Variants in ALG8 observed in about 807,000 individuals in gnomAD.
ALG8 encodes ALG8 alpha-1,3-glucosyltransferase, also known as dolichyl pyrophosphate Glc1Man9GlcNAc2 alpha-1,3-glucosyltransferase.
In ALG8, 48 loss-of-function variants were observed where a neutral mutation model predicts 70.2. That is an observed-to-expected ratio of 0.68 (90% CI 0.54 to 0.87). ALG8 has a LOEUF of 0.87. ALG8 is among the 40% of genes least tolerant of loss of function. The pLI is 0.00. For missense variants in ALG8, 572 were observed against 608.7 expected, an observed-to-expected ratio of 0.94 and a Z score of 0.64; for synonymous variants, 234 against 229.0, an observed-to-expected ratio of 1.02 and a Z score of -0.20.
intron 2 of ALG8, among the ~76,000 whole-genome samples, chr11:78,125,095 C>T (rs922046456): frequency 2.0e-5 from 3 of 151,206 alleles, no homozygotes; most frequent in African/African-American, 4.9e-5. Context: ...TGCAGTGGCG[C>T]GATCTTGGCT....
At chr11:78,125,955 C>T (rs999592962) in intron 2 of ALG8, among the ~76,000 whole-genome samples, 1 of 151,128 alleles carries the variant, frequency 6.6e-6, no homozygotes, top group Non-Finnish European at 1.5e-5. Flanking sequence ...GTCAGGAGAT[C>T]GAGACCATCC....
intron 1 of ALG8, chr11:78,137,550 G>C (rs1266231228): frequency 6.6e-6 from 1 of 152,208 alleles, no homozygotes; most frequent in African/African-American, 2.4e-5. Flanking sequence ...TAAAGTCAGA[G>C]ATATGTGACT....
chr11:78,110,641 T>C (rs1007306643), intron 8 of ALG8, among the ~76,000 whole-genome samples: 1 of 152,162 alleles, frequency 6.6e-6, no homozygotes. Flanking sequence ...TACTTGGTTA[T>C]TAAATAAATC....
intron 3 of ALG8, among the ~76,000 whole-genome samples, chr11:78,122,254 C>A (rs1488844624): frequency 6.6e-6 from 1 of 151,996 alleles, no homozygotes; most frequent in African/African-American, 2.4e-5. Flanking sequence ...TGAATAGAGG[C>A]AGTAAACTTA....
intron 1 of ALG8, among the ~76,000 whole-genome samples, chr11:78,127,997 C>T (rs1054707273): frequency 9.9e-5 from 15 of 152,274 alleles, no homozygotes; most frequent in African/African-American, 3.1e-4. Flanking sequence ...CCACCACGCC[C>T]GGCCTAGCCC....
chr11:78,139,511 G>C lies in ALG8; in HGVS notation c.78C>G (p.Cys26Trp). ...TCCCTTACTATGTGGGGATGAGAAGGCATTTGAGAAGAGTCACCCCGAGCG... is the reference window on the plus strand; with the variant it reads ...TCCCTTACTATGTGGGGATGAGAAGCCATTTGAGAAGAGTCACCCCGAGCG... ...ALALGVTLLK[C>W]LLIPTYHSTD... Residue 26 changes from cysteine (C) to tryptophan (W), a missense_variant, in exon 1 of 13, where the codon TGC becomes TGG. By Grantham distance (215) the Cys-to-Trp change is radical (BLOSUM62 -2). Coordinates refer to ENST00000299626, the MANE Select transcript of ALG8 (RefSeq NM_024079.5). The C allele has an allele frequency of 1.3e-6, 2 of 1,560,922 alleles. No individual in the cohort carries two copies. Among genetic ancestry groups the C allele is most frequent in the Admixed American group, 1.9e-5 (1 of 52,168 alleles).
At chr11:78,121,035 A>G in intron 4 of ALG8, 30 bp downstream of exon 4, 1 of 1,516,404 alleles carries the variant, frequency 6.6e-7, no homozygotes, top group African/African-American at 1.4e-5. Context: ...AGAATTAGTA[A>G]GGGAATAGTA....
chr11:78,112,896 G>A (rs1860369282), intron 7 of ALG8, 126 bp from the exon 8 acceptor site: 1 of 1,133,292 alleles, frequency 8.8e-7, no homozygotes, highest in Admixed American at 2.2e-5. Context: ...TAGTAAGTAA[G>A]TGGTTATATG....
At chr11:78,132,629 A>G (rs1273403660) in intron 1 of ALG8, among the ~76,000 whole-genome samples, 1 of 151,978 alleles carries the variant, frequency 6.6e-6, no homozygotes, top group East Asian at 1.9e-4. Context: ...CAATACTTTC[A>G]CACCACAGGG....
At position 78,115,405 on chromosome 11, in the gene ALG8, C is replaced by T. The variant is rs646994; in HGVS notation, c.547-1013G>A. Among the ~76,000 whole-genome samples, 124 of 151,434 alleles carry T rather than the reference C, an allele frequency of 8.2e-4. 1 individual carries two copies. Among genetic ancestry groups the T allele is most frequent in the Admixed American group, 8.5e-4 (13 of 15,208 alleles). On this transcript the variant is annotated intron_variant, in intron 5 of 12. Coordinates refer to ENST00000299626, the MANE Select transcript of ALG8 (RefSeq NM_024079.5). ...ATTCCAGCTAGCTTTTTTTTTGAGACGGAGTTTTGTTCTTGTTGCCCAGGC... is the reference window on the plus strand; with the variant it reads ...ATTCCAGCTAGCTTTTTTTTTGAGATGGAGTTTTGTTCTTGTTGCCCAGGC...
chr11:78,101,483 G>A (rs192335107), intron 12 of ALG8, among the ~76,000 whole-genome samples: 222 of 152,192 alleles, frequency 1.5e-3, no homozygotes, highest in African/African-American at 5.1e-3. Context: ...ACAAAAATTA[G>A]CCGACCAGGG....
In ALG8 at chr11:78,107,060, ATTC is replaced by A. The variant is rs1199804877; in HGVS notation, c.1039-117_1039-115del. On this transcript the variant is annotated intron_variant, in intron 9 of 12. Transcript: ENST00000299626. ...TCTGAAAGACAGCCAATCTTAGACAATTCTTCATGAAACCGAATCATTCATCAC... is the reference window on the plus strand; with the variant it reads ...TCTGAAAGACAGCCAATCTTAGACAATTCATGAAACCGAATCATTCATCAC... The A allele has an allele frequency of 2.4e-6, 3 of 1,275,350 alleles. No homozygotes were observed. In the African/African-American group the frequency reaches 4.5e-5, roughly 19 times the overall value. The allele number at this position is 1,275,350 out of a possible 1,614,324, so 79.0% of individuals were successfully genotyped here. A position where few individuals can be genotyped will look rare whatever the true frequency, so the allele number is the denominator to read the frequency against.
chr11:78,131,477 C>G (rs1590840939), intron 1 of ALG8, among the ~76,000 whole-genome samples: 1 of 152,080 alleles, frequency 6.6e-6, no homozygotes, highest in East Asian at 1.9e-4. Context: ...GTGGTGTGCA[C>G]CTGTAGTCCC....
intron 7 of ALG8, 25 bp from the exon 8 acceptor site, chr11:78,112,795 A>G (rs1274599297): frequency 8.7e-6 from 14 of 1,611,304 alleles, no homozygotes; most frequent in Non-Finnish European, 1.2e-5. Flanking sequence ...AATGAAACTG[A>G]TTAAACAGTC....
chr11:78,122,844 T>C (rs1397215248), intron 3 of ALG8, among the ~76,000 whole-genome samples: 1 of 132,162 alleles, frequency 7.6e-6, no homozygotes, highest in Non-Finnish European at 1.6e-5. Context: ...AACAGGATTA[T>C]TCAATGAGAA....
Position 78,127,437 on chromosome 11 carries a change from C to T in ALG8, c.96-1G>A. On this transcript the variant is annotated splice_acceptor_variant, in intron 1 of 12. Coordinates refer to ENST00000299626, the MANE Select transcript of ALG8 (RefSeq NM_024079.5). LOFTEE classifies it high-confidence loss of function. ...GTGTACTTCAAAATCTGTGGAATGG[C>T]TACTCAAAACAATTAGATAAATAAA... The T allele has an allele frequency of 6.2e-7, 1 of 1,612,466 alleles. No individual in the cohort carries two copies. Among genetic ancestry groups the T allele is most frequent in the Non-Finnish European group, 8.5e-7 (1 of 1,178,682 alleles).
At position 78,124,035 on chromosome 11, in the gene ALG8, C is replaced by T. The variant is rs769530568; in HGVS notation, c.354G>A (p.Val118=). ...TCCAGACTTACTCACGGACAGCATA[C>T]ACAAAGAGTACATCCATAAAGATGA... ...FSVIFMDVLF[V]YAVRECCKCI... The change falls in exon 3 of 13, where the codon GTG becomes GTA. Residue 118 remains valine, a synonymous_variant. Coordinates refer to ENST00000299626, the MANE Select transcript of ALG8 (RefSeq NM_024079.5). 7 of 1,613,974 alleles carry T rather than the reference C, an allele frequency of 4.3e-6. No individual in the cohort carries two copies. In the African/African-American group the frequency reaches 9.3e-5, roughly 22 times the overall value.
At chr11:78,125,080 T>G (rs1336932679) in intron 2 of ALG8, among the ~76,000 whole-genome samples, 4 of 151,806 alleles carry the variant, frequency 2.6e-5, no homozygotes, top group Admixed American at 2.6e-4. Context: ...TCACCCAGGC[T>G]GGAGTGCAGT....
rs763345853 is a variant in ALG8 at position 78,139,522 on chromosome 11, GAGTC to G, written c.63_66del (p.Thr22PhefsTer68). On this transcript the variant is annotated frameshift_variant, in exon 1 of 13. Transcript: ENST00000299626. LOFTEE classifies it high-confidence loss of function. ...GTGGGGATGAGAAGGCATTTGAGAA[GAGTC>G]ACCCCGAGCGCCAAAGCCGAAAACC... The G allele has an allele frequency of 1.9e-6, 3 of 1,562,716 alleles. No homozygotes were observed. In the Admixed American group the frequency reaches 5.7e-5, roughly 30 times the overall value.
Sources: allele counts gnomAD v4.1 joint callset (sites outside exome capture counted in the v4.1 genomes callset), GRCh38; gene constraint gnomAD v4.1.1; transcripts MANE v1.5; gene names NCBI Gene and HGNC (gene_info 2026-07-23, HGNC 2026-07-21).